Variants in ZNF287 observed in about 807,000 individuals in gnomAD.
ZNF287 encodes the protein zinc finger protein 287.
ZNF287 carries 31 observed loss-of-function variants against 73.7 expected under a neutral mutation model. The ratio of observed to expected loss-of-function variants is 0.42; its 90% CI spans 0.32 to 0.57. ZNF287 has a LOEUF of 0.57. Ranked by LOEUF, ZNF287 falls within the 20% of genes least tolerant of loss-of-function variation. The pLI is 0.13. For missense variants in ZNF287, 641 were observed against 909.3 expected (o/e 0.70, Z 3.79); for synonymous variants, 301 against 307.2 (o/e 0.98, Z 0.21).
At position 16,552,246 on chromosome 17, in the gene ZNF287, A is replaced by C. The variant is rs201203558; in HGVS notation, c.1896T>G (p.Ser632Arg). 1 of 1,613,518 alleles carries C rather than the reference A, an allele frequency of 6.2e-7. No individual in the cohort carries two copies. Among genetic ancestry groups the C allele is most frequent in the Non-Finnish European group, 8.5e-7 (1 of 1,179,860 alleles). The change falls in exon 6 of 6, where the codon AGT becomes AGG. Residue 632 changes from serine (S) to arginine (R), a missense_variant. Coordinates refer to ENST00000395825, the MANE Select transcript of ZNF287 (RefSeq NM_020653.4). This position sits in a 1 kb window ranked among gnomAD's most constrained non-coding sequence, Gnocchi z 6.5. ...TCCTCTGATGTTGAGTAAGGTGCAC[A>C]CTCTGGCTGAATGCTTTCCCACACA... ...CSVCGKAFSQ[S>R]VHLTQHQRIH...
chr17:16,555,116 T>C (rs936509268), intron 5 of ZNF287, among the ~76,000 whole-genome samples: 1 of 152,166 alleles, frequency 6.6e-6, no homozygotes, highest in African/African-American at 2.4e-5. Flanking sequence ...AAATGTGGTG[T>C]TGGTCGACTT....
rs1184247475 is a variant in ZNF287 at position 16,549,944 on chromosome 17, T to C, written c.*1912A>G. Among the ~76,000 whole-genome samples the C allele has an allele frequency of 2.6e-5, 4 of 152,220 alleles. No individual in the cohort carries two copies. Among genetic ancestry groups the C allele is most frequent in the African/African-American group, 9.7e-5 (4 of 41,448 alleles). ...CTCCATGCCAGTCAATTCTACTTTA[T>C]TACTGAAATCTAATTTATATAATTT... On this transcript the variant is annotated 3_prime_UTR_variant, in exon 6 of 6. Coordinates refer to ENST00000395825, the MANE Select transcript of ZNF287 (RefSeq NM_020653.4).
chr17:16,549,789 G>A lies in ZNF287; in HGVS notation c.*2067C>T, dbSNP rs1906525989. The stretch of plus-strand genomic sequence containing the variant: ...ACCAATTTCCCCTCATTTAGCTCAG[G>A]AAAACTTCCTGTACAAAGATGTCCC... On this transcript the variant is annotated 3_prime_UTR_variant, in exon 6 of 6. Coordinates refer to ENST00000395825, the MANE Select transcript of ZNF287 (RefSeq NM_020653.4). 6.6e-6 allele frequency among the ~76,000 whole-genome samples: 1 copy of A among 152,116 alleles called. No individual in the cohort carries two copies. The highest frequency in any genetic ancestry group is 2.4e-5 in the African/African-American group (1 of 41,418).
chr17:16,557,583 C>T (rs1907156790), intron 5 of ZNF287, among the ~76,000 whole-genome samples: 1 of 151,998 alleles, frequency 6.6e-6, no homozygotes, highest in South Asian at 2.1e-4. Flanking sequence ...TCTGAGCTGG[C>T]AAGAAAGCAA....
Position 16,547,507 on chromosome 17 carries a change from A to G in ZNF287, c.*4349T>C, listed in dbSNP as rs532293996. ...TGCTTAACAAGATTTAGTTGTTTGC[A>G]CCCGAAAGTTTATCCCAGTTATGTA... On this transcript the variant is annotated 3_prime_UTR_variant, in exon 6 of 6. Coordinates refer to ENST00000395825, the MANE Select transcript of ZNF287 (RefSeq NM_020653.4). Among the ~76,000 whole-genome samples the G allele has an allele frequency of 6.6e-6, 1 of 152,334 alleles. No individual in the cohort carries two copies. The highest frequency in any genetic ancestry group is 2.4e-5 in the African/African-American group (1 of 41,584).
chr17:16,563,430 A>G (rs764747337), intron 4 of ZNF287, among the ~76,000 whole-genome samples, 198 bp from the exon 5 acceptor site: 1 of 152,136 alleles, frequency 6.6e-6, no homozygotes, highest in Non-Finnish European at 1.5e-5. Flanking sequence ...ACTGAAGAGG[A>G]TATGTGAAGG....
intron 2 of ZNF287, 132 bp downstream of exon 2, chr17:16,567,197 C>T: frequency 8.1e-7 from 1 of 1,236,574 alleles, no homozygotes; most frequent in East Asian, 2.4e-5. Flanking sequence ...TCCCCAGTTT[C>T]TTTCTTTTTA....
rs144142081 is a variant in ZNF287 at position 16,547,558 on chromosome 17, T to G, written c.*4298A>C. Among the ~76,000 whole-genome samples the G allele has an allele frequency of 2.3e-3, 347 of 152,320 alleles. 1 individual carries two copies. Among genetic ancestry groups the G allele is most frequent in the African/African-American group, 8.0e-3 (332 of 41,568 alleles). ...ATTATATCCCTCATTACACAGATAT[T>G]AGGTAACTGATGGCATGAGTGAAGA... On this transcript the variant is annotated 3_prime_UTR_variant, in exon 6 of 6. Transcript: ENST00000395825.
At chr17:16,561,837 A>C (rs1907467872) in intron 5 of ZNF287, among the ~76,000 whole-genome samples, 1 of 152,252 alleles carries the variant, frequency 6.6e-6, no homozygotes, top group Non-Finnish European at 1.5e-5. Context: ...GGGGAGAAAA[A>C]TATCTATAAA....
chr17:16,548,714 G>A lies in ZNF287; in HGVS notation c.*3142C>T, dbSNP rs1350832902. On this transcript the variant is annotated 3_prime_UTR_variant, in exon 6 of 6. Coordinates refer to ENST00000395825, the MANE Select transcript of ZNF287 (RefSeq NM_020653.4). ...ACTCGGGAGGCTGAGGCAGGAGAAT[G>A]GCGTGAACCTGGGAGGCGGACCTTG... 6.6e-6 allele frequency among the ~76,000 whole-genome samples: 1 copy of A among 152,084 alleles called. No homozygotes were observed. The highest frequency in any genetic ancestry group is 2.4e-5 in the African/African-American group (1 of 41,416).
intron 1 of ZNF287, chr17:16,568,142 C>CAATG: frequency 5.0e-6 from 1 of 199,572 alleles, no homozygotes; most frequent in South Asian, 1.7e-4. Context: ...GTGTCAGAGG[C>CAATG]AATGACTCGA....
In ZNF287 at chr17:16,552,483, T is replaced by C; in HGVS notation, c.1659A>G (p.Arg553=). ...TCTCTCCAGAATGAATTCTCTGATG[T>C]CGAATAAGGTAAGTACTCTGACTAA... ...KVFSQSTYLI[R]HQRIHSGEKC... The change falls in exon 6 of 6, where the codon CGA becomes CGG. Residue 553 remains arginine, a synonymous_variant. Transcript: ENST00000395825. The surrounding 1 kb of genome is among the most constrained non-coding windows in gnomAD (Gnocchi z 6.5). 6.2e-7 allele frequency: 1 copy of C among 1,614,186 alleles called. No individual in the cohort carries two copies. The highest frequency in any genetic ancestry group is 8.5e-7 in the Non-Finnish European group (1 of 1,180,014).
At chr17:16,557,726 CTG>C (rs1445422158) in intron 5 of ZNF287, among the ~76,000 whole-genome samples, 1 of 152,100 alleles carries the variant, frequency 6.6e-6, no homozygotes, top group Non-Finnish European at 1.5e-5. Flanking sequence ...ACAAGGGACT[CTG>C]GGGCTAGAAG....
In ZNF287 at chr17:16,552,888, G is replaced by A. The variant is rs765247469; in HGVS notation, c.1254C>T (p.His418=). The A allele has an allele frequency of 2.7e-5, 43 of 1,614,102 alleles. No homozygotes were observed. Among genetic ancestry groups the A allele is most frequent in the Non-Finnish European group, 3.6e-5 (42 of 1,180,004 alleles). ...ISSLIAHQRM[H]TGEKPYECHQ... ...GGCATTCATATGGTTTTTCTCCAGT[G>A]TGCATTCTCTGATGTGCAATAAGGG... The change falls in exon 6 of 6, where the codon CAC becomes CAT. Residue 418 remains histidine, a synonymous_variant. Transcript: ENST00000395825. This position sits in a 1 kb window ranked among gnomAD's most constrained non-coding sequence, Gnocchi z 6.5.
In ZNF287 at chr17:16,550,013, G is replaced by C. The variant is rs1172897747; in HGVS notation, c.*1843C>G. Among the ~76,000 whole-genome samples the C allele has an allele frequency of 6.6e-6, 1 of 152,120 alleles. No individual in the cohort carries two copies. Among genetic ancestry groups the C allele is most frequent in the African/African-American group, 2.4e-5 (1 of 41,420 alleles). On this transcript the variant is annotated 3_prime_UTR_variant, in exon 6 of 6. Coordinates refer to ENST00000395825, the MANE Select transcript of ZNF287 (RefSeq NM_020653.4). ...GTATTGACCATGCACTATTATGCAA[G>C]GGACTGGAGAAACAAGTAAGAGCAC...
At chr17:16,557,568 A>G (rs907902088) in intron 5 of ZNF287, among the ~76,000 whole-genome samples, 1 of 152,156 alleles carries the variant, frequency 6.6e-6, no homozygotes, top group Non-Finnish European at 1.5e-5. Flanking sequence ...TCAACTTACT[A>G]TATCTCTGAG....
In ZNF287 at chr17:16,551,995, C is replaced by G; in HGVS notation, c.2147G>C (p.Arg716Thr). 6.2e-7 allele frequency: 1 copy of G among 1,614,106 alleles called. No homozygotes were observed. The highest frequency in any genetic ancestry group is 8.5e-7 in the Non-Finnish European group (1 of 1,179,982). ...CNECDKDFSQRTCLIQHQRIH... is the reference protein window; with the variant it reads ...CNECDKDFSQTTCLIQHQRIH... Reference sequence around the variant, plus strand: ...TCTCTGGTGTTGAATAAGGCATGTTCTCTGGCTAAAATCCTTATCACATTC... The same window carrying G: ...TCTCTGGTGTTGAATAAGGCATGTTGTCTGGCTAAAATCCTTATCACATTC... Residue 716 changes from arginine to threonine, a missense_variant, in exon 6 of 6, where the codon AGA (arginine) becomes ACA (threonine). Around this residue, in one of 2 missense-constraint regions of ZNF287, gnomAD observed 284 missense variants for 466.8 expected, o/e 0.61. Transcript: ENST00000395825.
chr17:16,560,347 G>A (rs1181094454), intron 5 of ZNF287, among the ~76,000 whole-genome samples: 1 of 143,332 alleles, frequency 7.0e-6, no homozygotes, highest in African/African-American at 2.6e-5. Context: ...GTGGGGGAGG[G>A]AGAGCTCTTC....
intron 5 of ZNF287, among the ~76,000 whole-genome samples, chr17:16,556,793 CAAACTT>C (rs1012696024): frequency 1.1e-4 from 17 of 151,530 alleles, no homozygotes; most frequent in Admixed American, 5.3e-4. Flanking sequence ...TTATAATTAA[CAAACTT>C]AAAGTGACAA....
Sources: gnomAD v4.1 joint callset for allele counts (sites outside exome capture counted in the v4.1 genomes callset) on GRCh38, gnomAD v4.1.1 for gene constraint, gnomAD v4.1.1 regional missense constraint, Gnocchi (gnomAD v3.1) non-coding constraint, MANE v1.5 for transcripts, NCBI Gene and HGNC (gene_info 2026-07-23, HGNC 2026-07-21) for gene names.